Variants in ADCY5 observed in about 807,000 individuals in gnomAD.
ADCY5 encodes adenylate cyclase type 5.
In ADCY5, 30 loss-of-function variants were observed where a neutral mutation model predicts 119.7. The ratio of observed to expected loss-of-function variants is 0.25; its 90% CI spans 0.19 to 0.34. The LOEUF is 0.34. ADCY5 is among the 10% of genes least tolerant of loss of function. The pLI, the probability that ADCY5 is intolerant of heterozygous loss-of-function variation, is 1.00. For synonymous variants in ADCY5, 753 were observed against 762.2 expected (o/e 0.99, Z 0.20); for missense variants, 1,324 against 1,775.2 (o/e 0.75, Z 4.57).
At chr3:123,324,739 C>T (rs947688159) in intron 8 of ADCY5, among the ~76,000 whole-genome samples, 7 of 152,208 alleles carry the variant, frequency 4.6e-5, no homozygotes, top group Admixed American at 4.6e-4. Flanking sequence ...AGCTGACACC[C>T]GACCATGGCC....
chr3:123,377,441 TC>T (rs1943875239), intron 1 of ADCY5, among the ~76,000 whole-genome samples: 1 of 152,288 alleles, frequency 6.6e-6, no homozygotes, highest in Middle Eastern at 3.4e-3. Flanking sequence ...AATATTCAAT[TC>T]CTCTGAAAAG....
At chr3:123,383,962 G>A (rs1013842905) in intron 1 of ADCY5, among the ~76,000 whole-genome samples, 7 of 96,282 alleles carry the variant, frequency 7.3e-5, no homozygotes, top group African/African-American at 2.3e-4. Context: ...AGGCACGTGC[G>A]CGCGCGCACA....
rs1176162639 is a variant in ADCY5, at chr3:123,448,723, G to A, written c.-178C>T. 1 of 482,850 alleles carries A rather than the reference G, an allele frequency of 2.1e-6. No individual in the cohort carries two copies. Among genetic ancestry groups the A allele is most frequent in the Non-Finnish European group, 3.3e-6 (1 of 304,164 alleles). The allele number at this position is 482,850 out of a possible 1,614,324, so 29.9% of individuals were successfully genotyped here. On this transcript the variant is annotated 5_prime_UTR_variant, in exon 1 of 21. Coordinates refer to ENST00000462833, the MANE Select transcript of ADCY5 (RefSeq NM_183357.3). Reference sequence around the variant, plus strand: ...CCCCCGTCCTGAGCGGAGGAGGAGGGCACAGCCCCGAGGTGAGAAGTAGCT... The same window carrying A: ...CCCCCGTCCTGAGCGGAGGAGGAGGACACAGCCCCGAGGTGAGAAGTAGCT...
At chr3:123,384,683 A>G (rs915760331) in intron 1 of ADCY5, among the ~76,000 whole-genome samples, 1 of 152,116 alleles carries the variant, frequency 6.6e-6, no homozygotes, top group African/African-American at 2.4e-5. Flanking sequence ...AGTAAAGCCA[A>G]GGGAACTAGC....
intron 1 of ADCY5, among the ~76,000 whole-genome samples, chr3:123,388,556 G>C (rs1190604506): frequency 7.1e-6 from 1 of 140,770 alleles, no homozygotes; most frequent in Non-Finnish European, 1.6e-5. Context: ...CTGGGCCAGA[G>C]GGACAGATAT....
intron 1 of ADCY5, among the ~76,000 whole-genome samples, chr3:123,400,941 CA>C (rs1319324344): frequency 1.4e-5 from 2 of 143,814 alleles, no homozygotes; most frequent in African/African-American, 2.6e-5. Flanking sequence ...AACTCCGTCT[CA>C]AAAAAAAAGA....
At chr3:123,402,312 C>G (rs1311364037) in intron 1 of ADCY5, among the ~76,000 whole-genome samples, 1 of 152,234 alleles carries the variant, frequency 6.6e-6, no homozygotes, top group Non-Finnish European at 1.5e-5. Context: ...AACATACTGC[C>G]TGGAGCAGAC....
intron 1 of ADCY5, among the ~76,000 whole-genome samples, chr3:123,432,451 C>T (rs1035258320): frequency 1.3e-5 from 2 of 152,144 alleles, no homozygotes; most frequent in Non-Finnish European, 2.9e-5. Flanking sequence ...CAGCCCCTCC[C>T]AACATGGCCT....
intron 1 of ADCY5, 35 bp downstream of exon 1, chr3:123,447,377 C>T (rs773990381): frequency 2.7e-6 from 4 of 1,488,454 alleles, no homozygotes; most frequent in African/African-American, 2.8e-5. Flanking sequence ...CTGCCCGCCC[C>T]GCAATCCAGT....
chr3:123,337,287 C>T lies in ADCY5; in HGVS notation c.1407-4612G>A, dbSNP rs532173462. On this transcript the variant is annotated intron_variant, in intron 3 of 20. Transcript: ENST00000462833. ...CCTTAGGAAACAAGCAGCTGAATGA[C>T]GGCCTGGATGCGGCGGGCCATGCCT... 2.6e-3 allele frequency among the ~76,000 whole-genome samples: 394 copies of T among 152,302 alleles called. 1 individual carries two copies. The highest frequency in any genetic ancestry group is 6.8e-3 in the Middle Eastern group (2 of 294).
chr3:123,446,363 G>A (rs184761020), intron 1 of ADCY5, among the ~76,000 whole-genome samples: 2 of 152,330 alleles, frequency 1.3e-5, no homozygotes, highest in Admixed American at 6.5e-5. Context: ...AGACACCAGT[G>A]GGCAGATGTG....
intron 1 of ADCY5, among the ~76,000 whole-genome samples, chr3:123,392,854 CTT>C (rs11317143): frequency 0.15 from 22,057 of 152,000 alleles, 1,734 homozygotes; most frequent in East Asian, 0.36. Context: ...AGGACAGTCA[CTT>C]TTTTTTGTGG....
intron 1 of ADCY5, among the ~76,000 whole-genome samples, chr3:123,413,206 T>C (rs1465084033): frequency 1.3e-5 from 2 of 152,192 alleles, no homozygotes; most frequent in African/African-American, 4.8e-5. Flanking sequence ...CCAGGCTGTT[T>C]TCTTAAGCAG....
chr3:123,418,303 C>T (rs1473975401), intron 1 of ADCY5, among the ~76,000 whole-genome samples: 1 of 152,198 alleles, frequency 6.6e-6, no homozygotes, highest in African/African-American at 2.4e-5. Flanking sequence ...AAGAGATTAG[C>T]ATTGGAATCA....
rs552110399 is a variant in ADCY5, at chr3:123,352,599, A to C, written c.1135-18T>G. 6.2e-7 allele frequency: 1 copy of C among 1,602,438 alleles called. No individual in the cohort carries two copies. Among genetic ancestry groups the C allele is most frequent in the Non-Finnish European group, 8.5e-7 (1 of 1,172,096 alleles). ...GAGACAAGCTGCAGAGGGAGAGAGG[A>C]GCACACCTAGCTCAGATCCTGACCT... On this transcript the variant is annotated intron_variant, in intron 1 of 20. Transcript: ENST00000462833. The surrounding 1 kb of genome is among the most constrained non-coding windows in gnomAD (Gnocchi z 4.8).
At chr3:123,315,714 T>C (rs1940880974) in intron 11 of ADCY5, among the ~76,000 whole-genome samples, 1 of 152,132 alleles carries the variant, frequency 6.6e-6, no homozygotes, top group Non-Finnish European at 1.5e-5. Context: ...TAGCTGGCAT[T>C]ACAGGTGTGC....
intron 10 of ADCY5, among the ~76,000 whole-genome samples, chr3:123,319,350 T>C (rs1373154942): frequency 3.7e-5 from 3 of 81,818 alleles, no homozygotes; most frequent in Non-Finnish European, 6.3e-5. Context: ...TGAAACTCCG[T>C]CTCAAAAAAA....
intron 1 of ADCY5, among the ~76,000 whole-genome samples, chr3:123,429,107 C>A (rs962338214): frequency 8.5e-5 from 13 of 152,296 alleles, no homozygotes; most frequent in African/African-American, 2.9e-4. Context: ...TGACACTCTG[C>A]GTGTCATAAA....
intron 1 of ADCY5, chr3:123,368,049 G>A: frequency 1.4e-6 from 2 of 1,460,240 alleles, no homozygotes; most frequent in African/African-American, 2.9e-5. Flanking sequence ...GAGATTGCCT[G>A]GGGGAGAGAG....
Sources: allele counts gnomAD v4.1 joint callset (sites outside exome capture counted in the v4.1 genomes callset), GRCh38; gene constraint gnomAD v4.1.1; non-coding constraint Gnocchi (gnomAD v3.1); transcripts MANE v1.5; gene names NCBI Gene and HGNC (gene_info 2026-07-23, HGNC 2026-07-21).